The following ELP4 variants were observed in gnomAD, a reference collection of about 807,000 sequenced individuals.
ELP4 encodes the protein elongator acetyltransferase complex subunit 4.
ELP4 carries 51 observed loss-of-function variants against 48.9 expected under a neutral mutation model. That is an observed-to-expected ratio of 1.04 (90% CI 0.83 to 1.32). The LOEUF (loss-of-function observed/expected upper bound fraction) is 1.32, where lower values mean the gene tolerates loss of function less well. Among genes scored for constraint, ELP4 ranks in the 40% most tolerant of loss-of-function variants. The probability of loss-of-function intolerance (pLI) is 0.00; values close to 1 mark genes in which losing one functional copy is unlikely to be tolerated. For synonymous variants in ELP4, 210 were observed against 189.2 expected, an observed-to-expected ratio of 1.11 and a Z score of -0.90; for missense variants, 519 against 514.6, an observed-to-expected ratio of 1.01 and a Z score of -0.08.
At chr11:31,676,107 C>A (rs1368053324) in intron 9 of ELP4, among the ~76,000 whole-genome samples, 1 of 152,034 alleles carries the variant, frequency 6.6e-6, no homozygotes, top group Non-Finnish European at 1.5e-5. Context: ...TCTCTGACCT[C>A]ATCTTTTATT....
At chr11:31,510,593 T>TA (rs1347230174) in intron 1 of ELP4, 3 of 392,224 alleles carry the variant, frequency 7.6e-6, no homozygotes, top group Admixed American at 4.4e-5. Context: ...GATATTTAGA[T>TA]AGTGTCTGCG....
At chr11:31,653,910 T>C (rs1040157758) in intron 9 of ELP4, 6 of 151,766 alleles carry the variant, frequency 4.0e-5, no homozygotes, top group African/African-American at 1.4e-4. Context: ...AATTATGATG[T>C]AATTATAGTA....
At chr11:31,741,410 G>A (rs1947445370) in intron 9 of ELP4, among the ~76,000 whole-genome samples, 2 of 152,180 alleles carry the variant, frequency 1.3e-5, no homozygotes, top group South Asian at 4.1e-4. Flanking sequence ...GGTTCTCCCA[G>A]CACGCAGCTT....
chr11:31,554,288 G>T (rs912268734), intron 3 of ELP4, among the ~76,000 whole-genome samples: 2 of 152,156 alleles, frequency 1.3e-5, no homozygotes, highest in African/African-American at 4.8e-5. Flanking sequence ...CCAGACCCTG[G>T]TGCCAAAAAG....
chr11:31,654,795 T>G (rs746648157), intron 9 of ELP4: 10 of 151,910 alleles, frequency 6.6e-5, no homozygotes, highest in Non-Finnish European at 1.3e-4. Context: ...AGAAGTAGAA[T>G]GTTGAATATG....
chr11:31,768,472 T>C (rs1357546252), intron 9 of ELP4, among the ~76,000 whole-genome samples: 1 of 152,194 alleles, frequency 6.6e-6, no homozygotes, highest in African/African-American at 2.4e-5. Flanking sequence ...ACCAAAAAGA[T>C]ACTACCTAAA....
chr11:31,652,966 T>C (rs2134077870), intron 9 of ELP4: 1 of 151,804 alleles, frequency 6.6e-6, no homozygotes, highest in Non-Finnish European at 1.5e-5. Flanking sequence ...GTATGAAAAC[T>C]GATTATCTTT....
chr11:31,597,488 CA>C (rs1489559231), intron 4 of ELP4, among the ~76,000 whole-genome samples: 4 of 152,134 alleles, frequency 2.6e-5, no homozygotes, highest in Admixed American at 1.3e-4. Context: ...ACCCTAATGG[CA>C]AAGAACTTCA....
At chr11:31,663,608 T>A (rs1945607636) in intron 9 of ELP4, 1 of 152,056 alleles carries the variant, frequency 6.6e-6, no homozygotes, top group East Asian at 1.9e-4. Context: ...TTAGCCACAC[T>A]ATCCAGTGTC....
chr11:31,627,552 G>A (rs1252801365), intron 6 of ELP4, among the ~76,000 whole-genome samples: 2 of 151,938 alleles, frequency 1.3e-5, no homozygotes, highest in Admixed American at 1.3e-4. Context: ...CTGACATTCA[G>A]GCCTTATTTC....
intron 3 of ELP4, among the ~76,000 whole-genome samples, chr11:31,544,832 A>G (rs1475562729): frequency 1.3e-5 from 2 of 152,196 alleles, no homozygotes; most frequent in African/African-American, 2.4e-5. Flanking sequence ...AGACAGCAGC[A>G]TTCGCGGTTC....
At chr11:31,618,456 G>A (rs910959396) in intron 5 of ELP4, among the ~76,000 whole-genome samples, 2 of 152,058 alleles carry the variant, frequency 1.3e-5, no homozygotes, top group Non-Finnish European at 2.9e-5. Context: ...GGAAGAACCA[G>A]GAGAGTGAGA....
intron 5 of ELP4, among the ~76,000 whole-genome samples, chr11:31,611,282 C>A (rs1957973123): frequency 6.6e-6 from 1 of 152,198 alleles, no homozygotes; most frequent in African/African-American, 2.4e-5. Flanking sequence ...ACTAGTAAGA[C>A]CAAGGCACTG....
At chr11:31,552,330 A>C (rs1030264873) in intron 3 of ELP4, among the ~76,000 whole-genome samples, 2 of 152,070 alleles carry the variant, frequency 1.3e-5, no homozygotes, top group Non-Finnish European at 2.9e-5. Flanking sequence ...TATGCTGATG[A>C]CTTTCAAATT....
chr11:31,564,798 T>C (rs1019576351), intron 3 of ELP4, among the ~76,000 whole-genome samples: 3 of 152,198 alleles, frequency 2.0e-5, no homozygotes, highest in Non-Finnish European at 4.4e-5. Flanking sequence ...TTTGGGTTGG[T>C]TCCAAGTCTT....
At chr11:31,576,685 A>G (rs1592131949) in intron 3 of ELP4, among the ~76,000 whole-genome samples, 1 of 152,338 alleles carries the variant, frequency 6.6e-6, no homozygotes, top group East Asian at 1.9e-4. Context: ...CTGCTCCTGA[A>G]TGACTACTGG....
chr11:31,541,391 T>C (rs149700857), intron 3 of ELP4: 2 of 152,344 alleles, frequency 1.3e-5, no homozygotes, highest in African/African-American at 2.4e-5. Context: ...TCTTTTGCTC[T>C]GTTTTCTGGC....
intron 9 of ELP4, among the ~76,000 whole-genome samples, chr11:31,778,443 C>T (rs1948293891): frequency 6.6e-6 from 1 of 152,100 alleles, no homozygotes. Context: ...TATATTTGTT[C>T]GTTATATTTG....
chr11:31,533,562 T>A (rs11031400), intron 2 of ELP4, among the ~76,000 whole-genome samples: 6 of 151,192 alleles, frequency 4.0e-5, no homozygotes, highest in Non-Finnish European at 7.4e-5. Flanking sequence ...TTTCTTTTTG[T>A]ATTTTTTAGT....
Sources: gnomAD v4.1 joint callset for allele counts (sites outside exome capture counted in the v4.1 genomes callset) on GRCh38, gnomAD v4.1.1 for gene constraint, MANE v1.5 for transcripts, NCBI Gene and HGNC (gene_info 2026-07-23, HGNC 2026-07-21) for gene names.